The following UVRAG variants were observed in gnomAD, a reference collection of about 807,000 sequenced individuals.
UVRAG encodes the protein UV radiation resistance-associated gene protein.
In UVRAG, 19 loss-of-function variants were observed where a neutral mutation model predicts 78.0. That is an observed-to-expected ratio of 0.24 (90% CI 0.17 to 0.36). UVRAG has a LOEUF of 0.36. Ranked by LOEUF, UVRAG falls within the 10% of genes least tolerant of loss-of-function variation. The pLI is 1.00. For missense variants in UVRAG, 740 were observed against 853.8 expected (o/e 0.87, Z 1.66); for synonymous variants, 323 against 324.6 (o/e 1.00, Z 0.05).
chr11:75,834,085 T>G (rs1042124756), intron 1 of UVRAG, among the ~76,000 whole-genome samples: 1 of 152,240 alleles, frequency 6.6e-6, no homozygotes, highest in Non-Finnish European at 1.5e-5. Context: ...AATCTAAGGT[T>G]CATCAGTTGA....
At chr11:76,107,354 C>T (rs1951989565) in intron 13 of UVRAG, among the ~76,000 whole-genome samples, 1 of 152,174 alleles carries the variant, frequency 6.6e-6, no homozygotes, top group Non-Finnish European at 1.5e-5. Flanking sequence ...GCCATTTAAC[C>T]TCTCACTTTC....
intron 4 of UVRAG, among the ~76,000 whole-genome samples, chr11:75,885,538 C>T (rs898779637): frequency 2.6e-5 from 4 of 152,204 alleles, no homozygotes; most frequent in African/African-American, 7.2e-5. Flanking sequence ...TTAGTTGTTT[C>T]ATTGCTCAGA....
At chr11:75,872,407 T>TC (rs66986024) in intron 3 of UVRAG, among the ~76,000 whole-genome samples, 1 of 151,368 alleles carries the variant, frequency 6.6e-6, no homozygotes, top group South Asian at 2.1e-4. Context: ...TTTTTTTTTT[T>TC]AGACGGAGGC....
At chr11:75,930,471 T>C (rs1271590507) in intron 6 of UVRAG, among the ~76,000 whole-genome samples, 1 of 152,206 alleles carries the variant, frequency 6.6e-6, no homozygotes, top group African/African-American at 2.4e-5. Flanking sequence ...AAAATGAGTG[T>C]CTAACTTACT....
chr11:76,141,297 G>T lies in UVRAG; in HGVS notation c.1984G>T (p.Ala662Ser). The change falls in exon 15 of 15, where the codon GCA becomes TCA. Residue 662 changes from alanine (A) to serine (S), a missense_variant. Physicochemically the swap from Ala to Ser is moderately conservative, Grantham distance 99. Coordinates refer to ENST00000356136, the MANE Select transcript of UVRAG (RefSeq NM_003369.4). Reference protein sequence around the residue: ...FNCIPVDSAVAVECDEQVLGE... With the variant: ...FNCIPVDSAVSVECDEQVLGE... Reference sequence around the variant, plus strand: ...CTGCATCCCAGTGGACAGTGCTGTGGCAGTAGAGTGTGACGAACAAGTTCT... The same window carrying T: ...CTGCATCCCAGTGGACAGTGCTGTGTCAGTAGAGTGTGACGAACAAGTTCT... 1 of 1,614,198 alleles carries T rather than the reference G, an allele frequency of 6.2e-7. No homozygotes were observed. Among genetic ancestry groups the T allele is most frequent in the Non-Finnish European group, 8.5e-7 (1 of 1,180,040 alleles).
chr11:75,860,723 T>G lies in UVRAG; in HGVS notation c.236-1023T>G, dbSNP rs115504388. On this transcript the variant is annotated intron_variant, in intron 2 of 14. Transcript: ENST00000356136. ...ATTGTAAATTAGTATAATATTTGTA[T>G]GTAACAATTTGGCAATATCTATCAA... 5.0e-3 allele frequency among the ~76,000 whole-genome samples: 766 copies of G among 152,306 alleles called. 7 individuals carry two copies. Among genetic ancestry groups the G allele is most frequent in the African/African-American group, 0.017 (722 of 41,576 alleles).
At chr11:75,908,513 A>C (rs769598260) in intron 5 of UVRAG, among the ~76,000 whole-genome samples, 42 of 151,946 alleles carry the variant, frequency 2.8e-4, no homozygotes, top group Non-Finnish European at 4.4e-4. Context: ...TTTGTTGAAG[A>C]TTTTTATATC....
At chr11:76,095,687 G>A (rs1379145943) in intron 13 of UVRAG, among the ~76,000 whole-genome samples, 1 of 151,568 alleles carries the variant, frequency 6.6e-6, no homozygotes, top group East Asian at 1.9e-4. Flanking sequence ...GGGCAACATA[G>A]TGAGACCCTA....
At chr11:76,005,342 T>G (rs1429350193) in intron 9 of UVRAG, among the ~76,000 whole-genome samples, 1 of 145,198 alleles carries the variant, frequency 6.9e-6, no homozygotes, top group African/African-American at 2.5e-5. Context: ...GACGCCATCT[T>G]AAAAAAAAAA....
At chr11:76,026,050 T>G (rs1950320894) in intron 12 of UVRAG, among the ~76,000 whole-genome samples, 1 of 152,150 alleles carries the variant, frequency 6.6e-6, no homozygotes, top group Non-Finnish European at 1.5e-5. Flanking sequence ...ATCTCTGTAT[T>G]CCCTCAGCCT....
At chr11:76,088,205 G>C (rs1306891066) in intron 13 of UVRAG, among the ~76,000 whole-genome samples, 1 of 152,184 alleles carries the variant, frequency 6.6e-6, no homozygotes, top group Non-Finnish European at 1.5e-5. Flanking sequence ...TCATAAGCCA[G>C]TAATGACATC....
intron 7 of UVRAG, among the ~76,000 whole-genome samples, chr11:75,967,783 G>A (rs1347355278): frequency 6.6e-6 from 1 of 152,180 alleles, no homozygotes; most frequent in Non-Finnish European, 1.5e-5. Flanking sequence ...CAGTGAATCT[G>A]TTGCAATATC....
In UVRAG at chr11:76,085,197, T is replaced by C. The variant is rs1289242815; in HGVS notation, c.1305+19409T>C. On this transcript the variant is annotated intron_variant, in intron 13 of 14. Coordinates refer to ENST00000356136, the MANE Select transcript of UVRAG (RefSeq NM_003369.4). ...CTTTTGAGACATTTGGCAAAGTTACTAATGTGATTTATCATTTGAGGAATC... is the reference window on the plus strand; with the variant it reads ...CTTTTGAGACATTTGGCAAAGTTACCAATGTGATTTATCATTTGAGGAATC... Among the ~76,000 whole-genome samples the C allele has an allele frequency of 9.5e-4, 144 of 152,168 alleles. 2 individuals are homozygous for C. Among genetic ancestry groups the C allele is most frequent in the Admixed American group, 9.3e-3 (142 of 15,272 alleles).
intron 1 of UVRAG, among the ~76,000 whole-genome samples, chr11:75,827,491 A>G (rs1945541011): frequency 6.6e-6 from 1 of 152,014 alleles, no homozygotes; most frequent in Non-Finnish European, 1.5e-5. Context: ...GGCACCTGTA[A>G]TCCCAGCTAC....
At chr11:76,122,901 T>C (rs1036281180) in intron 14 of UVRAG, among the ~76,000 whole-genome samples, 1 of 152,218 alleles carries the variant, frequency 6.6e-6, no homozygotes, top group Non-Finnish European at 1.5e-5. Context: ...CAAAACTTTC[T>C]ATGTTTTTAC....
At chr11:75,943,321 A>G (rs1948524236) in intron 6 of UVRAG, among the ~76,000 whole-genome samples, 1 of 148,638 alleles carries the variant, frequency 6.7e-6, no homozygotes, top group African/African-American at 2.5e-5. Context: ...TTTTTTTTAA[A>G]TTTATTGGCC....
intron 5 of UVRAG, among the ~76,000 whole-genome samples, chr11:75,905,904 G>A (rs1461422126): frequency 6.6e-6 from 1 of 151,586 alleles, no homozygotes; most frequent in Non-Finnish European, 1.5e-5. Context: ...TTTTACCGTG[G>A]CTGACCAATA....
chr11:75,832,805 A>G (rs1945688993), intron 1 of UVRAG, among the ~76,000 whole-genome samples: 1 of 152,204 alleles, frequency 6.6e-6, no homozygotes, highest in African/African-American at 2.4e-5. Context: ...ATTAGCATGC[A>G]AAAGACACTT....
intron 12 of UVRAG, among the ~76,000 whole-genome samples, chr11:76,048,492 A>G (rs1950804900): frequency 1.3e-5 from 2 of 152,166 alleles, no homozygotes; most frequent in African/African-American, 2.4e-5. Context: ...GACTATGACA[A>G]CCTAGATGTT....
Sources: allele counts gnomAD v4.1 joint callset (sites outside exome capture counted in the v4.1 genomes callset), GRCh38; gene constraint gnomAD v4.1.1; transcripts MANE v1.5; gene names NCBI Gene and HGNC (gene_info 2026-07-23, HGNC 2026-07-21).